Variants in PCDHA2 observed in about 807,000 individuals in gnomAD.
PCDHA2 encodes the protein protocadherin alpha 2, also known as protocadherin alpha-2.
A neutral mutation model predicts 66.0 loss-of-function variants in PCDHA2; 58 were observed. The observed-to-expected ratio is 0.88, with a 90% CI of 0.71 to 1.09. The LOEUF (loss-of-function observed/expected upper bound fraction) is 1.09. PCDHA2 is among the 50% of genes least tolerant of loss of function. The pLI is 0.00. For synonymous variants in PCDHA2, 634 were observed against 554.0 expected (o/e 1.14, Z -2.03); for missense variants, 1,267 against 1,242.3 (o/e 1.02, Z -0.30).
intron 1 of PCDHA2, among the ~76,000 whole-genome samples, chr5:140,970,696 C>T (rs2096425637): frequency 6.6e-6 from 1 of 152,144 alleles, no homozygotes; most frequent in Admixed American, 6.5e-5. Flanking sequence ...GCTTTTAGAG[C>T]TACTACACAA....
chr5:140,819,751 T>C (rs1766615199), intron 1 of PCDHA2, among the ~76,000 whole-genome samples: 2 of 151,842 alleles, frequency 1.3e-5, no homozygotes, highest in Admixed American at 1.3e-4. Context: ...AAGTCAAGAG[T>C]CTTGTTTCCT....
chr5:140,981,456 C>G (rs2096933076), intron 2 of PCDHA2, among the ~76,000 whole-genome samples: 1 of 152,054 alleles, frequency 6.6e-6, no homozygotes, highest in African/African-American at 2.4e-5. Flanking sequence ...TGCCTGTAGT[C>G]CCAGCTACTT....
chr5:140,952,913 A>G (rs1013502361), intron 1 of PCDHA2, among the ~76,000 whole-genome samples: 6 of 152,092 alleles, frequency 3.9e-5, no homozygotes, highest in African/African-American at 1.4e-4. Flanking sequence ...CTCATCTTAC[A>G]TGGCATGAGC....
intron 1 of PCDHA2, chr5:140,805,750 A>G (rs1268453068): frequency 4.0e-6 from 1 of 250,110 alleles, no homozygotes; most frequent in Non-Finnish European, 6.3e-6. Flanking sequence ...TGAACTTGAA[A>G]TACATCTTAA....
At position 140,932,324 on chromosome 5, in the gene PCDHA2, A is replaced by C. The variant is rs188019504; in HGVS notation, c.2389-46625A>C. On this transcript the variant is annotated intron_variant, in intron 1 of 3. Coordinates refer to ENST00000526136, the MANE Select transcript of PCDHA2 (RefSeq NM_018905.3). Reference sequence around the variant, plus strand: ...AAAGGTATAAATATATTAATGTAGCAAAAATGCATGAAACACTTACCATAC... The same window carrying C: ...AAAGGTATAAATATATTAATGTAGCCAAAATGCATGAAACACTTACCATAC... Among the ~76,000 whole-genome samples the C allele has an allele frequency of 5.8e-3, 886 of 152,084 alleles. 7 individuals are homozygous for C. The highest frequency in any genetic ancestry group is 0.021 in the African/African-American group (858 of 41,564).
At chr5:140,801,812 T>C in intron 1 of PCDHA2, 1 of 1,614,112 alleles carries the variant, frequency 6.2e-7, no homozygotes, top group Non-Finnish European at 8.5e-7. Flanking sequence ...GAGAGGACAC[T>C]CCTAAGCATT....
At chr5:140,830,280 G>C (rs2150184170) in intron 1 of PCDHA2, 5 of 1,613,766 alleles carry the variant, frequency 3.1e-6, no homozygotes, top group Admixed American at 1.7e-5. Flanking sequence ...CCCACCGAGG[G>C]CGCGTGCACG....
intron 1 of PCDHA2, chr5:140,929,108 C>T (rs1255119645): frequency 6.2e-7 from 1 of 1,614,080 alleles, no homozygotes; most frequent in African/African-American, 1.3e-5. Flanking sequence ...TGCATGACAT[C>T]AGCCACCATA....
At chr5:140,805,536 A>G (rs2149985319) in intron 1 of PCDHA2, 1 of 986,254 alleles carries the variant, frequency 1.0e-6, no homozygotes, top group Non-Finnish European at 1.2e-6. Flanking sequence ...CAGGATGAAA[A>G]TAACTTTATG....
At chr5:140,918,970 T>C (rs1217884686) in intron 1 of PCDHA2, among the ~76,000 whole-genome samples, 1 of 152,220 alleles carries the variant, frequency 6.6e-6, no homozygotes, top group Non-Finnish European at 1.5e-5. Flanking sequence ...CAGATATCGT[T>C]TAGGTTAGTT....
intron 3 of PCDHA2, among the ~76,000 whole-genome samples, chr5:140,992,706 G>T (rs1554253120): frequency 1.3e-5 from 2 of 152,138 alleles, no homozygotes; most frequent in Admixed American, 1.3e-4. Context: ...TAATGTTCCT[G>T]CCAGTATTCG....
At chr5:140,985,519 C>G (rs945399310) in intron 3 of PCDHA2, among the ~76,000 whole-genome samples, 7 of 152,120 alleles carry the variant, frequency 4.6e-5, no homozygotes, top group African/African-American at 1.7e-4. Flanking sequence ...TTCTGTTGCC[C>G]TTAAAGCTTC....
At chr5:141,003,771 T>G (rs1301111940) in intron 3 of PCDHA2, among the ~76,000 whole-genome samples, 4 of 152,250 alleles carry the variant, frequency 2.6e-5, no homozygotes, top group African/African-American at 9.6e-5. Context: ...CGTATTCTGT[T>G]AAATAAACTT....
At chr5:140,862,999 C>T (rs547997534) in intron 1 of PCDHA2, 28 of 550,142 alleles carry the variant, frequency 5.1e-5, no homozygotes, top group African/African-American at 4.9e-4. Context: ...GCACGGTGGA[C>T]TCCAGCTATG....
chr5:140,858,108 C>T (rs781859966), intron 1 of PCDHA2: 1 of 1,597,706 alleles, frequency 6.3e-7, no homozygotes, highest in South Asian at 1.1e-5. Context: ...GGCGTGGCGC[C>T]CGAGGTGGCC....
chr5:140,848,526 G>A (rs1781577604), intron 1 of PCDHA2: 2 of 1,594,266 alleles, frequency 1.3e-6, no homozygotes, highest in Admixed American at 1.7e-5. Flanking sequence ...AGATCCAGAG[G>A]GTCAGCCTCT....
At chr5:140,805,345 T>C (rs1763549365) in intron 1 of PCDHA2, 1 of 1,219,244 alleles carries the variant, frequency 8.2e-7, no homozygotes, top group Non-Finnish European at 1.0e-6. Flanking sequence ...GATCATTTTG[T>C]AAAAATATAG....
Position 140,795,158 on chromosome 5 carries a change from G to C in PCDHA2, c.194G>C (p.Arg65Pro). ...GAGGAGCTGGTGCCGCGCCTGTTCC[G>C]GGTGGCGTCCAAAAGACACGGGGAC... ...ELEELVPRLF[R>P]VASKRHGDLL... Residue 65 changes from arginine to proline, a missense_variant, in exon 1 of 4, where the codon CGG becomes CCG. Coordinates refer to ENST00000526136, the MANE Select transcript of PCDHA2 (RefSeq NM_018905.3). 6.2e-7 allele frequency: 1 copy of C among 1,614,052 alleles called. No homozygotes were observed. Among genetic ancestry groups the C allele is most frequent in the Non-Finnish European group, 8.5e-7 (1 of 1,180,022 alleles).
rs1554125148 is a variant in PCDHA2 at position 140,809,336 on chromosome 5, C to T, written c.2388+11984C>T. On this transcript the variant is annotated intron_variant, in intron 1 of 3. Transcript: ENST00000526136. ...CAGCCTTTTGGTGCTCACGCTGCTGCTGTACACCGCGCTGCGGTGCTCTGC... is the reference window on the plus strand; with the variant it reads ...CAGCCTTTTGGTGCTCACGCTGCTGTTGTACACCGCGCTGCGGTGCTCTGC... 8.7e-6 allele frequency: 14 copies of T among 1,614,084 alleles called. No individual in the cohort carries two copies. In the South Asian group the frequency reaches 1.3e-4, roughly 15 times the overall value.
Sources: allele counts gnomAD v4.1 joint callset (sites outside exome capture counted in the v4.1 genomes callset), GRCh38; gene constraint gnomAD v4.1.1; transcripts MANE v1.5; gene names NCBI Gene and HGNC (gene_info 2026-07-23, HGNC 2026-07-21).